Variants in KANSL1 observed in about 807,000 individuals in gnomAD.
KANSL1 encodes KAT8 regulatory NSL complex subunit 1, also known as MLL1/MLL complex subunit KANSL1.
A neutral mutation model predicts 103.6 loss-of-function variants in KANSL1; 22 were observed. The ratio of observed to expected loss-of-function variants is 0.21; its 90% confidence interval spans 0.15 to 0.30. The LOEUF (loss-of-function observed/expected upper bound fraction) is 0.30, where lower values mean the gene tolerates loss of function less well. Among genes scored for constraint, KANSL1 ranks in the 10% least tolerant of loss-of-function variants. The pLI is 1.00. For missense variants in KANSL1, 1,337 were observed against 1,399.8 expected (o/e 0.96, Z 0.72); for synonymous variants, 600 against 527.6 (o/e 1.14, Z -1.88).
chr17:46,109,096 T>C (rs1410417333), intron 2 of KANSL1, among the ~76,000 whole-genome samples: 1 of 152,164 alleles, frequency 6.6e-6, no homozygotes, highest in East Asian at 1.9e-4. Flanking sequence ...ACCTCAGATG[T>C]GCACCACCAC....
chr17:46,161,005 A>C (rs1301067618), intron 2 of KANSL1, among the ~76,000 whole-genome samples: 1 of 152,196 alleles, frequency 6.6e-6, no homozygotes, highest in African/African-American at 2.4e-5. Context: ...TACATAAATT[A>C]ATTTGTAAAA....
At position 46,038,567 on chromosome 17, in the gene KANSL1, A is replaced by G; in HGVS notation, c.2512T>C (p.Ser838Pro). The G allele has an allele frequency of 6.2e-7, 1 of 1,614,100 alleles. No homozygotes were observed. Among genetic ancestry groups the G allele is most frequent in the Non-Finnish European group, 8.5e-7 (1 of 1,180,014 alleles). Reference protein sequence around the residue: ...TSSDSPAPASSSSQVTASTSQ... With the variant: ...TSSDSPAPASPSSQVTASTSQ... Reference sequence around the variant, plus strand: ...GTGCTGGCTGTAACCTGTGAGCTAGAGCTGGCGGGTGCAGGGGAATCTGAG... The same window carrying G: ...GTGCTGGCTGTAACCTGTGAGCTAGGGCTGGCGGGTGCAGGGGAATCTGAG... Residue 838 changes from serine to proline, a missense_variant, in exon 10 of 15, where the codon TCT (serine) becomes CCT (proline). By Grantham distance (74) the Ser-to-Pro change is moderately conservative (BLOSUM62 -1). Coordinates refer to ENST00000432791, the MANE Select transcript of KANSL1 (RefSeq NM_015443.4).
intron 1 of KANSL1, among the ~76,000 whole-genome samples, chr17:46,185,682 CACACATATAT>C (rs1271093583): frequency 2.3e-4 from 19 of 82,472 alleles, no homozygotes; most frequent in Admixed American, 5.8e-4. Context: ...TATATATACA[CACACATATAT>C]ACACACACAC....
At position 46,172,013 on chromosome 17, in the gene KANSL1, A is replaced by G; in HGVS notation, c.131T>C (p.Ile44Thr). 6.2e-7 allele frequency: 1 copy of G among 1,614,264 alleles called. No homozygotes were observed. Among genetic ancestry groups the G allele is most frequent in the Non-Finnish European group, 8.5e-7 (1 of 1,180,052 alleles). Residue 44 changes from isoleucine to threonine, a missense_variant, in exon 2 of 15, where the codon ATT becomes ACT. Ile to Thr is a moderately conservative substitution (Grantham distance 89). Coordinates refer to ENST00000432791, the MANE Select transcript of KANSL1 (RefSeq NM_015443.4). ...AENNGNANIL[I>T]AANGTKRKAI... is the part of the protein sequence containing the mutation. ...TTTTCTTTTGGTTCCGTTGGCAGCA[A>G]TAAGGATGTTGGCGTTGCCGTTATT...
At chr17:46,068,392 C>T (rs1405412995) in intron 4 of KANSL1, among the ~76,000 whole-genome samples, 2 of 152,100 alleles carry the variant, frequency 1.3e-5, no homozygotes, top group Non-Finnish European at 2.9e-5. Flanking sequence ...GACAAAACCC[C>T]ATCTCTACAA....
intron 2 of KANSL1, among the ~76,000 whole-genome samples, chr17:46,147,778 C>A (rs2044807743): frequency 6.6e-6 from 1 of 152,190 alleles, no homozygotes; most frequent in Non-Finnish European, 1.5e-5. Context: ...CATGAGGCAA[C>A]TGCTGTTAAT....
chr17:46,144,035 A>G (rs1359099968), intron 2 of KANSL1, among the ~76,000 whole-genome samples: 1 of 152,220 alleles, frequency 6.6e-6, no homozygotes, highest in African/African-American at 2.4e-5. Context: ...GAGGTAAAAC[A>G]AGTTTCACAT....
chr17:46,202,160 AG>A (rs1356690373), intron 1 of KANSL1, among the ~76,000 whole-genome samples: 1 of 152,230 alleles, frequency 6.6e-6, no homozygotes, highest in East Asian at 1.9e-4. Context: ...CCTGGGCAAC[AG>A]TATGAGACAT....
At chr17:46,213,288 T>TTTG (rs138336096) in intron 1 of KANSL1, among the ~76,000 whole-genome samples, 14,872 of 151,408 alleles carry the variant, frequency 0.098, 54 homozygotes, top group Middle Eastern at 0.15. Context: ...TTATTTGTTT[T>TTTG]TTGTTGTTGT....
upstream of KANSL1, chr17:46,193,472 G>GA (rs2047469058): frequency 6.6e-6 from 1 of 151,104 alleles, no homozygotes; most frequent in Non-Finnish European, 1.5e-5. Context: ...ACACGGGGAG[G>GA]AGGGACAGCA....
At chr17:46,098,208 T>A (rs1410351799) in intron 2 of KANSL1, among the ~76,000 whole-genome samples, 2 of 150,402 alleles carry the variant, frequency 1.3e-5, no homozygotes, top group South Asian at 4.1e-4. Context: ...AACCCTCGTA[T>A]TTTATTCCCA....
chr17:46,100,141 C>T (rs1335237380), intron 2 of KANSL1, among the ~76,000 whole-genome samples: 1 of 152,164 alleles, frequency 6.6e-6, no homozygotes. Flanking sequence ...TAGATCTTTC[C>T]TGTGTTTGTT....
chr17:46,098,414 C>A (rs2042171268), intron 2 of KANSL1, among the ~76,000 whole-genome samples: 2 of 152,360 alleles, frequency 1.3e-5, no homozygotes, highest in South Asian at 4.1e-4. Flanking sequence ...TCCCCTCACA[C>A]CTTTTTCATC....
intron 2 of KANSL1, among the ~76,000 whole-genome samples, chr17:46,114,478 A>C (rs1391664853): frequency 6.6e-6 from 1 of 152,248 alleles, no homozygotes; most frequent in Non-Finnish European, 1.5e-5. Flanking sequence ...CAGAACTAAA[A>C]CTAGAAAAAC....
intron 4 of KANSL1, among the ~76,000 whole-genome samples, chr17:46,073,532 G>A (rs764149414): frequency 5.9e-5 from 9 of 152,098 alleles, no homozygotes; most frequent in Non-Finnish European, 1.0e-4. Context: ...AAAACGTACT[G>A]AAATTGCTAA....
chr17:46,032,633 T>C lies in KANSL1; in HGVS notation c.2838-334A>G, dbSNP rs1451612191. 3 of 349,026 alleles carry C rather than the reference T, an allele frequency of 8.6e-6. No homozygotes were observed. In the East Asian group the frequency reaches 1.4e-4, roughly 16 times the overall value. The allele number at this position is 349,026 out of a possible 1,614,324, so 21.6% of individuals were successfully genotyped here. On this transcript the variant is annotated intron_variant, in intron 13 of 14. Transcript: ENST00000432791. Reference sequence around the variant, plus strand: ...AGTAAGAGCTCCCAAAACTTTCTACTTGAGAATCCCGAGGGTTTCTGCCAC... The same window carrying C: ...AGTAAGAGCTCCCAAAACTTTCTACCTGAGAATCCCGAGGGTTTCTGCCAC...
At chr17:46,113,400 C>T (rs562861852) in intron 2 of KANSL1, among the ~76,000 whole-genome samples, 1 of 152,140 alleles carries the variant, frequency 6.6e-6, no homozygotes, top group African/African-American at 2.4e-5. Flanking sequence ...AAGCCATGAC[C>T]CAGCATTTAA....
intron 7 of KANSL1, chr17:46,041,881 TGTGTGTGTGTG>T (rs2077331519): frequency 2.8e-5 from 2 of 70,900 alleles, no homozygotes; most frequent in African/African-American, 8.5e-5. Flanking sequence ...ATTTATTTTG[TGTGTGTGTGTG>T]TGTGTGTGTG....
chr17:46,141,639 A>C (rs2044426886), intron 2 of KANSL1, among the ~76,000 whole-genome samples: 1 of 152,242 alleles, frequency 6.6e-6, no homozygotes, highest in Non-Finnish European at 1.5e-5. Flanking sequence ...AATGCCCAAG[A>C]ATACAGTATC....
Sources: gnomAD v4.1 joint callset for allele counts (sites outside exome capture counted in the v4.1 genomes callset) on GRCh38, gnomAD v4.1.1 for gene constraint, MANE v1.5 for transcripts, NCBI Gene and HGNC (gene_info 2026-07-23, HGNC 2026-07-21) for gene names.